Variants in AMELY observed in about 807,000 individuals in gnomAD.
AMELY encodes the protein amelogenin, Y isoform.
Under a neutral mutation model 4.2 loss-of-function variants are expected in AMELY, and 4 were observed. That is an observed-to-expected ratio of 0.96 (90% CI 0.47 to 2.19). The LOEUF (loss-of-function observed/expected upper bound fraction) is 2.19, where lower values mean the gene tolerates loss of function less well. Among genes scored for constraint, AMELY ranks in the 30% most tolerant of loss-of-function variants. The pLI, the probability that AMELY is intolerant of heterozygous loss-of-function variation, is 0.02. For synonymous variants in AMELY, 11 were observed against 14.7 expected (o/e 0.75, Z 0.57); for missense variants, 32 against 41.5 (o/e 0.77, Z 0.63).
chrY:6,905,579 T>C, intron 1 of AMELY, among the ~76,000 whole-genome samples: 1 of 26,433 alleles, frequency 3.8e-5, no homozygotes, highest in Non-Finnish European at 8.8e-5. Flanking sequence ...TCTTTCTTCC[T>C]GTCTTCCTTT....
At chrY:6,889,481 T>G (rs2054081941) in intron 1 of AMELY, among the ~76,000 whole-genome samples, 1 of 32,954 alleles carries the variant, frequency 3.0e-5, no homozygotes, top group Admixed American at 2.8e-4. Flanking sequence ...TAAAGGTTTT[T>G]CTGCTTAAAA....
intron 1 of AMELY, among the ~76,000 whole-genome samples, chrY:6,901,924 T>A: frequency 3.0e-5 from 1 of 33,129 alleles, no homozygotes. Context: ...GTTAATCTCC[T>A]TTGGCAACAT....
chrY:6,909,599 A>C, intron 1 of AMELY, among the ~76,000 whole-genome samples: 2 of 33,463 alleles, frequency 6.0e-5, no homozygotes, highest in African/African-American at 1.2e-4. Flanking sequence ...ATGTGCTCTA[A>C]TGATGGTGTA....
In AMELY at chrY:6,868,112, C is replaced by T; in HGVS notation, c.498G>A (p.Arg166=). The T allele has an allele frequency of 2.5e-6, 1 of 396,357 alleles. No individual in the cohort carries two copies. Among genetic ancestry groups the T allele is most frequent in the Non-Finnish European group, 3.5e-6 (1 of 282,561 alleles). ...GATCAGGAAGTATGGGGGGCAGGGG[C>T]CGCAGGGGGAACATTGGAGGCAGAG... ...QPPLPPMFPL[R]PLPPILPDLH... is the part of the protein sequence containing the mutation. The change falls in exon 6 of 7, where the codon CGG becomes CGA. Residue 166 remains arginine (R), a synonymous_variant. Transcript: ENST00000651267.
chrY:6,873,232 A>C, intron 2 of AMELY, among the ~76,000 whole-genome samples: 3 of 33,166 alleles, frequency 9.0e-5, no homozygotes, highest in African/African-American at 3.5e-4. Flanking sequence ...GCAAAAGATG[A>C]GGTTAAACAG....
At chrY:6,867,822 C>G (rs2054063017) in intron 6 of AMELY, among the ~76,000 whole-genome samples, 1 of 33,142 alleles carries the variant, frequency 3.0e-5, no homozygotes, top group Non-Finnish European at 7.4e-5. Flanking sequence ...AAAATTTAAA[C>G]CTATCATAAA....
intron 1 of AMELY, chrY:6,901,095 G>A (rs751082522): frequency 3.1e-5 from 1 of 32,323 alleles, no homozygotes; most frequent in East Asian, 8.3e-4. Context: ...TGCCCACCTC[G>A]GCCTCCCAAA....
At chrY:6,911,444 C>A in intron 1 of AMELY, among the ~76,000 whole-genome samples, 1 of 34,531 alleles carries the variant, frequency 2.9e-5, no homozygotes, top group South Asian at 6.4e-4. Context: ...CGGCCTGCCC[C>A]GACCTGGGTG....
intron 1 of AMELY, among the ~76,000 whole-genome samples, chrY:6,899,408 C>T (rs2054087799): frequency 3.0e-5 from 1 of 32,808 alleles, no homozygotes; most frequent in South Asian, 7.0e-4. Context: ...GCTTTTGCAG[C>T]TGGGTACTGA....
chrY:6,908,905 C>T (rs2011673026), intron 1 of AMELY, among the ~76,000 whole-genome samples: 1 of 32,975 alleles, frequency 3.0e-5, no homozygotes, highest in Non-Finnish European at 7.4e-5. Context: ...GCAGTAAACC[C>T]GGTGGGATAC....
At chrY:6,886,315 G>C (rs2054080107) in intron 1 of AMELY, among the ~76,000 whole-genome samples, 1 of 33,930 alleles carries the variant, frequency 2.9e-5, no homozygotes, top group African/African-American at 1.1e-4. Flanking sequence ...CCTTTTAACA[G>C]ATCAAAGAAA....
intron 1 of AMELY, among the ~76,000 whole-genome samples, chrY:6,877,993 C>A: frequency 3.2e-5 from 1 of 31,521 alleles, no homozygotes; most frequent in South Asian, 7.4e-4. Flanking sequence ...TGTGTGTGTA[C>A]CTTCAGGAAA....
chrY:6,906,599 G>C, intron 1 of AMELY, among the ~76,000 whole-genome samples: 1 of 32,689 alleles, frequency 3.1e-5, no homozygotes, highest in Non-Finnish European at 7.5e-5. Flanking sequence ...CAAAGCGCTG[G>C]GATTATGGAG....
intron 1 of AMELY, among the ~76,000 whole-genome samples, chrY:6,878,176 TC>T: frequency 3.0e-5 from 1 of 33,313 alleles, no homozygotes; most frequent in East Asian, 8.0e-4. Flanking sequence ...TTCAAGGATT[TC>T]CACAGGGACT....
chrY:6,876,866 T>C (rs779184406), intron 1 of AMELY, among the ~76,000 whole-genome samples: 3 of 33,296 alleles, frequency 9.0e-5, no homozygotes, highest in Non-Finnish European at 2.2e-4. Flanking sequence ...CCTTACCCTA[T>C]TGCTACAGCA....
intron 1 of AMELY, among the ~76,000 whole-genome samples, chrY:6,882,838 G>A (rs2054075902): frequency 6.0e-5 from 2 of 33,288 alleles, no homozygotes. Context: ...ACAAACATAT[G>A]AAAAAAAGCT....
At chrY:6,906,012 A>T (rs2011662139) in intron 1 of AMELY, among the ~76,000 whole-genome samples, 1 of 33,351 alleles carries the variant, frequency 3.0e-5, no homozygotes, top group Non-Finnish European at 7.4e-5. Context: ...TTATAGGGGC[A>T]GGTCTTTCCT....
intron 3 of AMELY, 47 bp downstream of exon 3, chrY:6,872,508 C>T (rs756779191): frequency 2.7e-6 from 1 of 372,122 alleles, no homozygotes; most frequent in Non-Finnish European, 3.8e-6. Flanking sequence ...TTCTTATTTC[C>T]ACGTTTGTAA....
intron 1 of AMELY, among the ~76,000 whole-genome samples, chrY:6,903,118 T>C: frequency 3.0e-5 from 1 of 33,206 alleles, no homozygotes; most frequent in Non-Finnish European, 7.4e-5. Flanking sequence ...CAGTATTCCA[T>C]ACATACCCTT....
Sources: allele counts gnomAD v4.1 joint callset (sites outside exome capture counted in the v4.1 genomes callset), GRCh38; gene constraint gnomAD v4.1.1; transcripts MANE v1.5; gene names NCBI Gene and HGNC (gene_info 2026-07-23, HGNC 2026-07-21).